Variants in GRIN2A observed in about 807,000 individuals in gnomAD.
The protein encoded by GRIN2A is glutamate receptor ionotropic, NMDA 2A.
A neutral mutation model predicts 113.4 loss-of-function variants in GRIN2A; 22 were observed. That is an observed-to-expected ratio of 0.19 (90% CI 0.14 to 0.28). The LOEUF (loss-of-function observed/expected upper bound fraction) is 0.28, where lower values mean the gene tolerates loss of function less well. Among genes scored for constraint, GRIN2A ranks in the 10% least tolerant of loss-of-function variants. The pLI, the probability that GRIN2A is intolerant of heterozygous loss-of-function variation, is 1.00. For missense variants in GRIN2A, 1,502 were observed against 1,887.0 expected (o/e 0.80, Z 3.78); for synonymous variants, 827 against 738.4 (o/e 1.12, Z -1.94).
intron 3 of GRIN2A, among the ~76,000 whole-genome samples, chr16:9,899,931 T>C (rs1031612206): frequency 6.6e-6 from 1 of 152,212 alleles, no homozygotes. Flanking sequence ...GCTTTCAACC[T>C]CAGGTAAGTA....
At chr16:10,130,083 G>C (rs557583518) in intron 2 of GRIN2A, among the ~76,000 whole-genome samples, 1 of 152,310 alleles carries the variant, frequency 6.6e-6, no homozygotes, top group Non-Finnish European at 1.5e-5. Context: ...ACTAAGACAA[G>C]AAAGTAAGAA....
At chr16:9,874,070 C>T (rs539405241) in intron 4 of GRIN2A, among the ~76,000 whole-genome samples, 1 of 152,230 alleles carries the variant, frequency 6.6e-6, no homozygotes, top group African/African-American at 2.4e-5. Context: ...ATTTTTTTCT[C>T]ATGGGCATTT....
chr16:10,152,312 C>T (rs921510660), intron 2 of GRIN2A, among the ~76,000 whole-genome samples: 2 of 152,218 alleles, frequency 1.3e-5, no homozygotes, highest in East Asian at 1.9e-4. Context: ...GCTGTCCATA[C>T]GCACCATGTA....
intron 5 of GRIN2A, among the ~76,000 whole-genome samples, chr16:9,846,696 A>G (rs2042777925): frequency 1.3e-5 from 2 of 152,226 alleles, no homozygotes; most frequent in East Asian, 3.8e-4. Flanking sequence ...ATGAGGGTAG[A>G]GAGAGATACA....
chr16:10,012,870 G>A (rs1054374799), intron 2 of GRIN2A, among the ~76,000 whole-genome samples: 21 of 152,320 alleles, frequency 1.4e-4, no homozygotes, highest in African/African-American at 5.1e-4. Context: ...CTGCAGAACT[G>A]TAGGATAATA....
intron 2 of GRIN2A, among the ~76,000 whole-genome samples, chr16:10,171,897 A>G (rs569617006): frequency 6.6e-6 from 1 of 152,336 alleles, no homozygotes; most frequent in South Asian, 2.1e-4. Flanking sequence ...CAAGATATTA[A>G]GAACTTCCCC....
chr16:9,962,081 CCCTT>C (rs1158759804), intron 2 of GRIN2A, among the ~76,000 whole-genome samples: 2 of 152,178 alleles, frequency 1.3e-5, no homozygotes, highest in African/African-American at 4.8e-5. Flanking sequence ...GAAACTGGAT[CCCTT>C]CCTTACACCT....
chr16:10,113,918 C>A (rs1415825594), intron 2 of GRIN2A, among the ~76,000 whole-genome samples: 4 of 152,052 alleles, frequency 2.6e-5, no homozygotes, highest in Non-Finnish European at 4.4e-5. Context: ...AGATTTTTAA[C>A]CTTAGTTGGG....
At chr16:9,928,734 G>A (rs1361941248) in intron 3 of GRIN2A, among the ~76,000 whole-genome samples, 1 of 151,936 alleles carries the variant, frequency 6.6e-6, no homozygotes, top group Non-Finnish European at 1.5e-5. Context: ...TATCTCTCCA[G>A]ACCCAATGCT....
At chr16:10,093,628 A>C (rs1260079370) in intron 2 of GRIN2A, among the ~76,000 whole-genome samples, 3 of 151,924 alleles carry the variant, frequency 2.0e-5, no homozygotes, top group Non-Finnish European at 2.9e-5. Flanking sequence ...GAAAAAAAAA[A>C]ACAAAAAACC....
At chr16:9,843,543 C>A (rs2042719742) in intron 5 of GRIN2A, among the ~76,000 whole-genome samples, 1 of 152,184 alleles carries the variant, frequency 6.6e-6, no homozygotes, top group South Asian at 2.1e-4. Flanking sequence ...ATGACACCTG[C>A]TTATCAATGC....
At chr16:10,044,868 C>A (rs562811309) in intron 2 of GRIN2A, among the ~76,000 whole-genome samples, 1 of 152,126 alleles carries the variant, frequency 6.6e-6, no homozygotes, top group East Asian at 1.9e-4. Flanking sequence ...TCACAGGGTA[C>A]AAGGCGAGCA....
intron 10 of GRIN2A, among the ~76,000 whole-genome samples, chr16:9,816,181 T>C (rs1475646891): frequency 6.6e-6 from 1 of 152,204 alleles, no homozygotes; most frequent in African/African-American, 2.4e-5. Context: ...TGGAGACAGA[T>C]GGTGGTAATG....
intron 3 of GRIN2A, among the ~76,000 whole-genome samples, chr16:9,925,968 A>G (rs9926748): frequency 0.012 from 1,890 of 152,356 alleles, 43 homozygotes; most frequent in African/African-American, 0.043. Flanking sequence ...GAAATTTTCA[A>G]GACAATTTCT....
intron 2 of GRIN2A, among the ~76,000 whole-genome samples, chr16:10,069,083 A>G (rs1327514617): frequency 6.6e-6 from 1 of 152,088 alleles, no homozygotes; most frequent in Non-Finnish European, 1.5e-5. Context: ...TGTCATGAGA[A>G]GCCCTTAAAG....
intron 3 of GRIN2A, among the ~76,000 whole-genome samples, chr16:9,930,760 T>C (rs1458592063): frequency 2.0e-5 from 3 of 152,242 alleles, no homozygotes; most frequent in African/African-American, 7.2e-5. Flanking sequence ...TTCTGATTAC[T>C]AAATAAAAAT....
chr16:10,064,759 C>G (rs1017834398), intron 2 of GRIN2A, among the ~76,000 whole-genome samples: 3 of 152,214 alleles, frequency 2.0e-5, no homozygotes, highest in African/African-American at 4.8e-5. Context: ...TCTGTTTTGA[C>G]TTCTCCATGT....
chr16:10,098,800 T>C (rs56940816), intron 2 of GRIN2A, among the ~76,000 whole-genome samples: 28,870 of 151,858 alleles, frequency 0.19, 3,161 homozygotes, highest in African/African-American at 0.3. Flanking sequence ...ACGCTGGAAA[T>C]TCAGGGGAAA....
chr16:10,068,923 A>AG (rs1044215173), intron 2 of GRIN2A, among the ~76,000 whole-genome samples: 1 of 152,162 alleles, frequency 6.6e-6, no homozygotes, highest in Non-Finnish European at 1.5e-5. Context: ...GAAAGAAAAC[A>AG]GGGTATGTTC....
Sources: gnomAD v4.1 joint callset for allele counts (sites outside exome capture counted in the v4.1 genomes callset) on GRCh38, gnomAD v4.1.1 for gene constraint, MANE v1.5 for transcripts, NCBI Gene and HGNC (gene_info 2026-07-23, HGNC 2026-07-21) for gene names.